SPMIP2: variants seen among roughly 807,000 people sequenced by gnomAD.
SPMIP2 encodes the protein sperm microtubule inner protein 2, also known as protein SPMIP2.
chr4:159,078,161 G>A, the SPMIP2 span, among the ~76,000 whole-genome samples: 2 of 152,136 alleles, frequency 1.3e-5, no homozygotes, highest in African/African-American at 4.8e-5. Context: ...GGAAAGAACA[G>A]CATACAAATA....
At chr4:158,974,308 A>C in the SPMIP2 span, among the ~76,000 whole-genome samples, 1 of 152,104 alleles carries the variant, frequency 6.6e-6, no homozygotes, top group Non-Finnish European at 1.5e-5. Flanking sequence ...GATCACTTAA[A>C]TGAATTTTTT....
At chr4:158,943,778 T>C in the SPMIP2 span, among the ~76,000 whole-genome samples, 1 of 151,896 alleles carries the variant, frequency 6.6e-6, no homozygotes, top group African/African-American at 2.4e-5. Flanking sequence ...CAGTAAGCCC[T>C]TCTCTAGATC....
At chr4:158,926,834 T>TA in the SPMIP2 span, among the ~76,000 whole-genome samples, 2 of 152,104 alleles carry the variant, frequency 1.3e-5, no homozygotes, top group Non-Finnish European at 2.9e-5. Flanking sequence ...ATGAAAATAA[T>TA]AGACACTGGG....
At chr4:158,903,925 A>C in the SPMIP2 span, among the ~76,000 whole-genome samples, 3 of 152,194 alleles carry the variant, frequency 2.0e-5, no homozygotes, top group South Asian at 4.1e-4. Context: ...CTCTTAACCC[A>C]GTACCTTTTA....
the SPMIP2 span, among the ~76,000 whole-genome samples, chr4:159,043,082 T>C: frequency 6.6e-6 from 1 of 152,342 alleles, no homozygotes; most frequent in African/African-American, 2.4e-5. Flanking sequence ...CTTAGCAAAA[T>C]GTACCTGTGG....
chr4:158,973,622 T>A, the SPMIP2 span, among the ~76,000 whole-genome samples: 2 of 152,158 alleles, frequency 1.3e-5, no homozygotes, highest in Admixed American at 1.3e-4. Context: ...ACAAGCTCTT[T>A]GTACCCAGAC....
the SPMIP2 span, among the ~76,000 whole-genome samples, chr4:158,896,297 G>A: frequency 6.6e-6 from 1 of 152,152 alleles, no homozygotes; most frequent in Non-Finnish European, 1.5e-5. Context: ...CTAGGCTTGA[G>A]GAGCCTGCCT....
chr4:158,987,608 A>G, the SPMIP2 span, among the ~76,000 whole-genome samples: 95,437 of 151,598 alleles, frequency 0.63, 30,395 homozygotes, highest in Middle Eastern at 0.71. Flanking sequence ...AAAGGGGAAC[A>G]ACACACTCTG....
chr4:158,982,095 TTAAAC>T, the SPMIP2 span, among the ~76,000 whole-genome samples: 3 of 152,002 alleles, frequency 2.0e-5, no homozygotes, highest in African/African-American at 7.3e-5. Flanking sequence ...AAAGCAGACT[TTAAAC>T]CAACAAAGAT....
chr4:159,081,893 T>A, the SPMIP2 span, among the ~76,000 whole-genome samples: 2 of 152,106 alleles, frequency 1.3e-5, no homozygotes, highest in Non-Finnish European at 2.9e-5. Flanking sequence ...ATATAATGAG[T>A]CAAGGAGGGC....
the SPMIP2 span, among the ~76,000 whole-genome samples, chr4:159,072,383 T>A: frequency 6.6e-6 from 1 of 151,888 alleles, no homozygotes; most frequent in South Asian, 2.1e-4. Flanking sequence ...GAATGTCTCC[T>A]TTGTGTTTAT....
the SPMIP2 span, among the ~76,000 whole-genome samples, chr4:158,980,722 C>A: frequency 3.9e-5 from 6 of 152,128 alleles, no homozygotes; most frequent in Admixed American, 2.6e-4. Flanking sequence ...CATCAAAGAA[C>A]AAAGGTAAAT....
At chr4:158,905,124 T>TAAGA in the SPMIP2 span, 1 of 152,612 alleles carries the variant, frequency 6.6e-6, no homozygotes, top group East Asian at 1.9e-4. Context: ...ATAAAACATG[T>TAAGA]AAGAATTGCT....
the SPMIP2 span, among the ~76,000 whole-genome samples, chr4:158,972,379 G>T: frequency 6.6e-6 from 1 of 151,966 alleles, no homozygotes; most frequent in Non-Finnish European, 1.5e-5. Flanking sequence ...ATAAATAATG[G>T]TTTTTCCTTT....
chr4:159,012,709 C>A, the SPMIP2 span, among the ~76,000 whole-genome samples: 265 of 151,924 alleles, frequency 1.7e-3, 2 homozygotes, highest in Admixed American at 0.016. Flanking sequence ...GTAGCTGGGA[C>A]TACAGGCCCT....
the SPMIP2 span, among the ~76,000 whole-genome samples, chr4:158,977,240 G>T: frequency 2.6e-5 from 4 of 152,216 alleles, no homozygotes; most frequent in African/African-American, 9.6e-5. Flanking sequence ...ACTTTTGGTT[G>T]GTAGGCTATT....
the SPMIP2 span, among the ~76,000 whole-genome samples, chr4:159,041,421 C>G: frequency 6.6e-6 from 1 of 152,196 alleles, no homozygotes; most frequent in African/African-American, 2.4e-5. Flanking sequence ...ATGGTCATAT[C>G]TTATAAATGC....
chr4:159,011,626 T>C, the SPMIP2 span, among the ~76,000 whole-genome samples: 2 of 151,958 alleles, frequency 1.3e-5, no homozygotes, highest in Admixed American at 1.3e-4. Flanking sequence ...TGGTGGCACA[T>C]GCCTGTTATC....
At chr4:158,929,532 C>T in the SPMIP2 span, among the ~76,000 whole-genome samples, 1 of 151,936 alleles carries the variant, frequency 6.6e-6, no homozygotes, top group Non-Finnish European at 1.5e-5. Context: ...TATTTTAATT[C>T]CCTTGTTGTA....
Sources: allele counts gnomAD v4.1 joint callset (sites outside exome capture counted in the v4.1 genomes callset), GRCh38; gene constraint gnomAD v4.1.1; transcripts MANE v1.5; gene names NCBI Gene and HGNC (gene_info 2026-07-23, HGNC 2026-07-21).